LRRC9: variants seen among roughly 807,000 people sequenced by gnomAD.
LRRC9 encodes the protein leucine rich repeat containing 9.
Under a neutral mutation model 63.2 loss-of-function variants are expected in LRRC9, and 122 were observed. The ratio of observed to expected loss-of-function variants is 1.93; its 90% CI spans 1.67 to 2.24. The LOEUF is 2.24. Ranked by LOEUF, LRRC9 falls within the 30% of genes most tolerant of loss-of-function variation. The pLI, the probability that LRRC9 is intolerant of heterozygous loss-of-function variation, is 0.00. For synonymous variants in LRRC9, 366 were observed against 213.1 expected (o/e 1.72, Z -6.25); for missense variants, 1,071 against 627.7 (o/e 1.71, Z -7.55).
intron 6 of LRRC9, among the ~76,000 whole-genome samples, chr14:59,933,194 T>G (rs1289764048): frequency 6.6e-6 from 1 of 152,136 alleles, no homozygotes; most frequent in Non-Finnish European, 1.5e-5. Context: ...TTAGGTGTAA[T>G]AGGAAAACCG....
chr14:60,001,342 C>T (rs1427471235), intron 19 of LRRC9, among the ~76,000 whole-genome samples: 1 of 152,012 alleles, frequency 6.6e-6, no homozygotes, highest in Non-Finnish European at 1.5e-5. Flanking sequence ...ACTGAATCAA[C>T]CCCAATGTTC....
intron 17 of LRRC9, among the ~76,000 whole-genome samples, chr14:59,989,652 T>A (rs904154273): frequency 1.3e-5 from 2 of 152,188 alleles, no homozygotes; most frequent in East Asian, 3.8e-4. Flanking sequence ...TTTTCTGGTG[T>A]ACTTTTTTGC....
At chr14:60,021,731 C>T (rs1891131310) in intron 26 of LRRC9, among the ~76,000 whole-genome samples, 1 of 151,760 alleles carries the variant, frequency 6.6e-6, no homozygotes, top group South Asian at 2.1e-4. Context: ...GCACCATTTC[C>T]TTAGAACACT....
Position 59,999,082 on chromosome 14 carries a change from T to C in LRRC9, c.2404-19T>C. 1 of 637,496 alleles carries C rather than the reference T, an allele frequency of 1.6e-6. No homozygotes were observed. The highest frequency in any genetic ancestry group is 1.8e-5 in the South Asian group (1 of 54,536). 39.5% of individuals were successfully genotyped at this position (637,496 alleles called of 1,614,324 possible). A position where few individuals can be genotyped will look rare whatever the true frequency, so the allele number is the denominator to read the frequency against. On this transcript the variant is annotated intron_variant, in intron 18 of 31. Transcript: ENST00000445360. ...ATATTTAACAGTTTATAAAAAATTT[T>C]TTTTTTGTTTTTCCCAAGCCAGCCA...
chr14:59,993,727 G>C (rs219357), intron 17 of LRRC9, among the ~76,000 whole-genome samples: 113,855 of 152,070 alleles, frequency 0.75, 44,758 homozygotes, highest in Non-Finnish European at 0.87. Flanking sequence ...GGCCATTACA[G>C]AATGGTAAAG....
chr14:59,974,610 A>G (rs1441494025), exon 13 of LRRC9: 1 of 669,122 alleles, frequency 1.5e-6, no homozygotes, highest in East Asian at 2.8e-5. Context: ...ATTGTTTCTA[A>G]CAGTCTAAGT....
intron 27 of LRRC9, among the ~76,000 whole-genome samples, chr14:60,024,738 C>T (rs1435220476): frequency 6.6e-6 from 1 of 151,908 alleles, no homozygotes; most frequent in Non-Finnish European, 1.5e-5. Flanking sequence ...GTATTATGTA[C>T]TAGTGGGAAT....
chr14:59,946,030 C>T (rs1882336774), intron 8 of LRRC9, among the ~76,000 whole-genome samples: 1 of 150,990 alleles, frequency 6.6e-6, no homozygotes, highest in Admixed American at 6.7e-5. Flanking sequence ...GTTTTTGACC[C>T]AGTAAATCTA....
chr14:59,970,112 T>C lies in LRRC9; in HGVS notation c.1506+2899T>C, dbSNP rs115004512. Among the ~76,000 whole-genome samples the C allele has an allele frequency of 3.5e-3, 529 of 151,258 alleles. 5 individuals are homozygous for C. Among genetic ancestry groups the C allele is most frequent in the African/African-American group, 0.012 (505 of 41,208 alleles). On this transcript the variant is annotated intron_variant, in intron 12 of 31. Coordinates refer to ENST00000445360, the Ensembl canonical transcript of LRRC9. The stretch of plus-strand genomic sequence containing the variant: ...TTATTTTTGCAGCTCCTCTCCTTCT[T>C]CCCACCCCCTCCCTCCAGTAGGCCC...
chr14:60,059,732 A>G (rs1350811562), intron 31 of LRRC9, among the ~76,000 whole-genome samples: 2 of 152,238 alleles, frequency 1.3e-5, no homozygotes, highest in African/African-American at 2.4e-5. Flanking sequence ...AGAAGTTTGA[A>G]GCTAGCAAAG....
rs940122269 is a variant in LRRC9 at position 59,923,465 on chromosome 14, T to C, written c.-34+3582T>C. On this transcript the variant is annotated intron_variant, in intron 1 of 31. Coordinates refer to ENST00000445360, the Ensembl canonical transcript of LRRC9. This position sits in a 1 kb window ranked among gnomAD's most constrained non-coding sequence, Gnocchi z 4.2. ...TGACTCAAAACTGTAATATGGAAGT[T>C]CTCCCTAAATTAATCTTTACAATGC... Among the ~76,000 whole-genome samples the C allele has an allele frequency of 6.6e-6, 1 of 152,150 alleles. No homozygotes were observed. Among genetic ancestry groups the C allele is most frequent in the Non-Finnish European group, 1.5e-5 (1 of 68,016 alleles).
At chr14:60,047,638 G>C (rs966829271) in intron 29 of LRRC9, among the ~76,000 whole-genome samples, 1 of 152,178 alleles carries the variant, frequency 6.6e-6, no homozygotes, top group African/African-American at 2.4e-5. Context: ...GGAGCACCCA[G>C]ATTCATAGCA....
chr14:59,954,683 C>T (rs1031927539), intron 8 of LRRC9, among the ~76,000 whole-genome samples: 24 of 152,200 alleles, frequency 1.6e-4, no homozygotes, highest in African/African-American at 5.5e-4. Flanking sequence ...CTGAATAGAA[C>T]TTCCAATACT....
intron 23 of LRRC9, among the ~76,000 whole-genome samples, chr14:60,008,443 A>G (rs759506735): frequency 7.2e-5 from 11 of 152,178 alleles, no homozygotes; most frequent in Non-Finnish European, 1.3e-4. Context: ...TGCTGCTTAC[A>G]ATAGAACCCA....
At chr14:60,020,198 A>G (rs1053215245) in intron 26 of LRRC9, among the ~76,000 whole-genome samples, 1 of 151,876 alleles carries the variant, frequency 6.6e-6, no homozygotes, top group Non-Finnish European at 1.5e-5. Context: ...TATAATTGGA[A>G]TTATGTAGTA....
At position 60,042,115 on chromosome 14, in the gene LRRC9, C is replaced by T. The variant is rs1326499318; in HGVS notation, c.3990+10052C>T. 3.3e-5 allele frequency among the ~76,000 whole-genome samples: 5 copies of T among 152,174 alleles called. No individual in the cohort carries two copies. Among genetic ancestry groups the T allele is most frequent in the South Asian group, 4.1e-4 (2 of 4,830 alleles). ...TGCTTGATCCTTCCTCTGGAACCTT[C>T]GTCTCAGAGGGGCACCCAGCTGTAT... On this transcript the variant is annotated intron_variant, in intron 29 of 31. Transcript: ENST00000445360. This position sits in a 1 kb window ranked among gnomAD's most constrained non-coding sequence, Gnocchi z 4.2.
At chr14:60,046,156 AG>A (rs1893406711) in intron 29 of LRRC9, among the ~76,000 whole-genome samples, 3 of 152,140 alleles carry the variant, frequency 2.0e-5, no homozygotes, top group African/African-American at 7.2e-5. Context: ...AGTTCCTTGT[AG>A]ACTCTGAATA....
intron 29 of LRRC9, among the ~76,000 whole-genome samples, chr14:60,052,048 A>G (rs901645569): frequency 1.3e-5 from 2 of 152,134 alleles, no homozygotes; most frequent in Non-Finnish European, 2.9e-5. Flanking sequence ...ATTTCAGCTG[A>G]AGGTGCTGAG....
rs74681260 is a variant in LRRC9 at position 60,036,432 on chromosome 14, T to G, written c.3990+4369T>G. Among the ~76,000 whole-genome samples, 506 of 152,284 alleles carry G rather than the reference T, an allele frequency of 3.3e-3. 15 individuals carry two copies. The East Asian group carries it at 0.056, about 17-fold the overall frequency. ...AGTCTAGAAGATTCCTCCTCCAGAC[T>G]GAGGAATCTTCCAGACCAGAGAAGC... On this transcript the variant is annotated intron_variant, in intron 29 of 31. Transcript: ENST00000445360.
Sources: allele counts gnomAD v4.1 joint callset (sites outside exome capture counted in the v4.1 genomes callset), GRCh38; gene constraint gnomAD v4.1.1; non-coding constraint Gnocchi (gnomAD v3.1); transcripts MANE v1.5; gene names NCBI Gene and HGNC (gene_info 2026-07-23, HGNC 2026-07-21).